The following ROBO2 variants were observed in gnomAD, a reference collection of about 807,000 sequenced individuals.
ROBO2 encodes roundabout homolog 2.
A neutral mutation model predicts 160.8 loss-of-function variants in ROBO2; 53 were observed. The ratio of observed to expected loss-of-function variants is 0.33; its 90% CI spans 0.26 to 0.41. The LOEUF (loss-of-function observed/expected upper bound fraction) is 0.41, where lower values mean the gene tolerates loss of function less well. ROBO2 is among the 10% of genes least tolerant of loss of function. The probability of loss-of-function intolerance (pLI) is 1.00; values close to 1 mark genes in which losing one functional copy is unlikely to be tolerated. For synonymous variants in ROBO2, 664 were observed against 611.7 expected, an observed-to-expected ratio of 1.09 and a Z score of -1.26; for missense variants, 1,577 against 1,722.4, an observed-to-expected ratio of 0.92 and a Z score of 1.49.
intron 2 of ROBO2, among the ~76,000 whole-genome samples, chr3:77,311,897 A>G (rs952537508): frequency 6.6e-6 from 1 of 152,080 alleles, no homozygotes; most frequent in African/African-American, 2.4e-5. Context: ...GACTAGACAG[A>G]CCAACAAGAT....
intron 20 of ROBO2, among the ~76,000 whole-genome samples, chr3:77,605,804 A>G (rs1366379915): frequency 1.3e-5 from 2 of 152,154 alleles, no homozygotes; most frequent in African/African-American, 4.8e-5. Flanking sequence ...GAACTTGTCT[A>G]TTTCTGTTAC....
intron 2 of ROBO2, among the ~76,000 whole-genome samples, chr3:77,390,188 A>G (rs2074572460): frequency 6.6e-6 from 1 of 152,136 alleles, no homozygotes. Flanking sequence ...TTAGATTGCA[A>G]CCCAGATTCC....
chr3:76,095,383 A>G (rs758450002), intron 2 of ROBO2, among the ~76,000 whole-genome samples: 54 of 152,124 alleles, frequency 3.5e-4, no homozygotes, highest in African/African-American at 1.3e-3. Flanking sequence ...GAAATGTGAA[A>G]TCACTAAACC....
At chr3:75,953,605 C>T (rs1948625796) in intron 2 of ROBO2, among the ~76,000 whole-genome samples, 5 of 151,470 alleles carry the variant, frequency 3.3e-5, no homozygotes, top group African/African-American at 9.7e-5. Flanking sequence ...CTTTGTCTAA[C>T]CCAATAAATC....
intron 2 of ROBO2, among the ~76,000 whole-genome samples, chr3:77,221,024 TG>T (rs1201271275): frequency 6.6e-6 from 1 of 152,204 alleles, no homozygotes; most frequent in African/African-American, 2.4e-5. Context: ...CCTTTACATA[TG>T]TAATGGTAAA....
intron 2 of ROBO2, among the ~76,000 whole-genome samples, chr3:76,261,564 A>G (rs1401723160): frequency 1.3e-5 from 2 of 152,044 alleles, no homozygotes; most frequent in Non-Finnish European, 2.9e-5. Flanking sequence ...GTTGACTCTA[A>G]GGGATGAAAT....
chr3:77,472,265 A>G (rs935430558), intron 2 of ROBO2, among the ~76,000 whole-genome samples: 13 of 152,202 alleles, frequency 8.5e-5, no homozygotes, highest in South Asian at 2.1e-4. Context: ...AAGGGAATAA[A>G]TAACAGAAGG....
intron 2 of ROBO2, among the ~76,000 whole-genome samples, chr3:77,221,564 C>G (rs1258084384): frequency 6.6e-6 from 1 of 152,082 alleles, no homozygotes; most frequent in Non-Finnish European, 1.5e-5. Context: ...CTGTTTTGGT[C>G]TCTCCCTAGA....
At chr3:76,589,454 C>T (rs778435927) in intron 2 of ROBO2, among the ~76,000 whole-genome samples, 1 of 152,134 alleles carries the variant, frequency 6.6e-6, no homozygotes, top group Admixed American at 6.5e-5. Flanking sequence ...GCGCCGCCAC[C>T]ACGCCCGGCT....
chr3:77,635,063 T>C lies in ROBO2; in HGVS notation c.3934+20T>C. The C allele has an allele frequency of 1.9e-6, 3 of 1,612,812 alleles. No homozygotes were observed. The highest frequency in any genetic ancestry group is 1.3e-5 in the African/African-American group (1 of 75,034). ...CAGATGGTAGGTTTCTTCCCTTTAC[T>C]CTTGTTTCCTCGCTGAAGAGACGTG... On this transcript the variant is annotated intron_variant, in intron 24 of 25. Coordinates refer to ENST00000461745, the Ensembl canonical transcript of ROBO2.
In ROBO2 at chr3:77,574,532, C is replaced by T; in HGVS notation, c.2005C>T (p.Arg669Ter). The T allele has an allele frequency of 6.2e-7, 1 of 1,613,288 alleles. No homozygotes were observed. Among genetic ancestry groups the T allele is most frequent in the Non-Finnish European group, 8.5e-7 (1 of 1,179,546 alleles). ...CCAACCCCAGTTTATCCAAGGCTACCGAGTGATGTATCGTCAGACTTCAGG... is the reference window on the plus strand; with the variant it reads ...CCAACCCCAGTTTATCCAAGGCTACTGAGTGATGTATCGTCAGACTTCAGG... The change falls in exon 14 of 26, where the codon CGA becomes TGA. Residue 669 changes from arginine (R) to a stop codon, truncating the protein, a stop_gained. Transcript: ENST00000461745. LOFTEE classifies it high-confidence loss of function.
At chr3:76,163,695 T>G (rs533834135) in intron 2 of ROBO2, among the ~76,000 whole-genome samples, 1 of 152,096 alleles carries the variant, frequency 6.6e-6, no homozygotes, top group Non-Finnish European at 1.5e-5. Flanking sequence ...GTTTACAATA[T>G]ACTACAGCCT....
chr3:76,066,412 C>T (rs6783384), intron 2 of ROBO2, among the ~76,000 whole-genome samples: 97,308 of 151,890 alleles, frequency 0.64, 31,783 homozygotes, highest in Middle Eastern at 0.77. Flanking sequence ...ATAAGTTAAC[C>T]TCTTTAGTTG....
intron 1 of ROBO2, among the ~76,000 whole-genome samples, chr3:77,066,843 A>G (rs2066897061): frequency 6.6e-6 from 1 of 152,320 alleles, no homozygotes; most frequent in African/African-American, 2.4e-5. Context: ...TTCTCCAAAG[A>G]AAAGAAACAG....
intron 7 of ROBO2, among the ~76,000 whole-genome samples, chr3:77,549,787 TG>T (rs1157225302): frequency 6.6e-6 from 1 of 152,026 alleles, no homozygotes; most frequent in Non-Finnish European, 1.5e-5. Context: ...AAATGTGTCC[TG>T]GGCCTTTAAT....
At chr3:76,681,698 A>G (rs1560367212) in intron 2 of ROBO2, among the ~76,000 whole-genome samples, 1 of 152,204 alleles carries the variant, frequency 6.6e-6, no homozygotes, top group South Asian at 2.1e-4. Context: ...AGATTTGAAT[A>G]TAAGAAAGAG....
intron 1 of ROBO2, among the ~76,000 whole-genome samples, chr3:77,041,942 A>G (rs1423896575): frequency 6.6e-6 from 1 of 152,176 alleles, no homozygotes; most frequent in Non-Finnish European, 1.5e-5. Context: ...CAGCATTTGC[A>G]TTGTGGATGA....
intron 2 of ROBO2, among the ~76,000 whole-genome samples, chr3:76,938,047 T>C (rs1466101357): frequency 6.6e-6 from 1 of 152,212 alleles, no homozygotes; most frequent in Non-Finnish European, 1.5e-5. Flanking sequence ...CGGACGGGCC[T>C]CAGAGAACAA....
chr3:77,199,081 T>C (rs2082580064), intron 2 of ROBO2, among the ~76,000 whole-genome samples: 1 of 152,132 alleles, frequency 6.6e-6, no homozygotes, highest in Non-Finnish European at 1.5e-5. Flanking sequence ...CAAATGACAT[T>C]GTAACCAACA....
Sources: gnomAD v4.1 joint callset for allele counts (sites outside exome capture counted in the v4.1 genomes callset) on GRCh38, gnomAD v4.1.1 for gene constraint, MANE v1.5 for transcripts, NCBI Gene and HGNC (gene_info 2026-07-23, HGNC 2026-07-21) for gene names.